Variants in EML6 observed in about 807,000 individuals in gnomAD.
EML6 encodes EMAP like 6.
EML6 carries 154 observed loss-of-function variants against 240.1 expected under a neutral mutation model. The ratio of observed to expected loss-of-function variants is 0.64; its 90% confidence interval spans 0.56 to 0.73. The LOEUF (loss-of-function observed/expected upper bound fraction) is 0.73. Among genes scored for constraint, EML6 ranks in the 30% least tolerant of loss-of-function variants. The probability of loss-of-function intolerance (pLI) is 0.00; values close to 1 mark genes in which losing one functional copy is unlikely to be tolerated. For missense variants in EML6, 2,964 were observed against 2,474.6 expected (o/e 1.20, Z -4.20); for synonymous variants, 1,148 against 899.0 (o/e 1.28, Z -4.95).
At chr2:54,842,658 T>C (rs1277078532) in intron 7 of EML6, among the ~76,000 whole-genome samples, 2 of 152,302 alleles carry the variant, frequency 1.3e-5, no homozygotes, top group South Asian at 2.1e-4. Flanking sequence ...GAAATTGATA[T>C]TGCTTCTGTA....
At chr2:54,742,970 C>T (rs754914221) in intron 2 of EML6, among the ~76,000 whole-genome samples, 23 of 152,304 alleles carry the variant, frequency 1.5e-4, no homozygotes, top group Non-Finnish European at 2.4e-4. Context: ...TAAATTCCTA[C>T]GCATATTTCT....
intron 5 of EML6, among the ~76,000 whole-genome samples, chr2:54,823,544 T>C (rs2104127430): frequency 6.6e-6 from 1 of 152,328 alleles, no homozygotes; most frequent in African/African-American, 2.4e-5. Flanking sequence ...CAATGTTTTA[T>C]TAGTCAAAGA....
chr2:54,860,852 C>A (rs1457312979), intron 12 of EML6, among the ~76,000 whole-genome samples: 2 of 152,150 alleles, frequency 1.3e-5, no homozygotes, highest in Admixed American at 1.3e-4. Flanking sequence ...GTGTTGAATG[C>A]CCAACTTTTA....
chr2:54,888,446 G>T (rs1189331375), intron 17 of EML6, among the ~76,000 whole-genome samples: 1 of 152,178 alleles, frequency 6.6e-6, no homozygotes, highest in Admixed American at 6.5e-5. Flanking sequence ...TGATTCTGCA[G>T]TTACAACAGT....
intron 2 of EML6, among the ~76,000 whole-genome samples, chr2:54,727,745 T>A (rs542077978): frequency 5.6e-4 from 86 of 152,342 alleles, no homozygotes; most frequent in African/African-American, 1.9e-3. Context: ...GTCCACTTGG[T>A]ACATAGCTTT....
In EML6 at chr2:54,824,065, A is replaced by G. The variant is rs569387453; in HGVS notation, c.526-3501A>G. ...CTCTGACTCCTATAGAGCTCTTTAC[A>G]CTGAGAAATTTCTTTAGTGAACTAC... On this transcript the variant is annotated intron_variant, in intron 5 of 41. Transcript: ENST00000356458. Among the ~76,000 whole-genome samples the G allele has an allele frequency of 4.1e-4, 62 of 152,190 alleles. 1 individual carries two copies. Among genetic ancestry groups the G allele is most frequent in the African/African-American group, 1.5e-3 (62 of 41,538 alleles).
At chr2:54,808,352 G>A (rs1670605796) in intron 2 of EML6, among the ~76,000 whole-genome samples, 1 of 152,136 alleles carries the variant, frequency 6.6e-6, no homozygotes, top group Admixed American at 6.6e-5. Context: ...CTGAGGTTGG[G>A]TCACTCCCCC....
intron 6 of EML6, 79 bp from the exon 7 acceptor site, chr2:54,829,263 T>C: frequency 1.4e-6 from 2 of 1,379,774 alleles, no homozygotes. Context: ...TGCTATGTTT[T>C]TAAATCAACA....
chr2:54,876,646 A>G (rs566508853), intron 16 of EML6, among the ~76,000 whole-genome samples: 16 of 152,378 alleles, frequency 1.1e-4, no homozygotes, highest in Middle Eastern at 3.4e-3. Context: ...AATGAATGCA[A>G]CAAGACATTG....
At chr2:54,947,973 G>A (rs1675771645) in intron 28 of EML6, among the ~76,000 whole-genome samples, 1 of 152,202 alleles carries the variant, frequency 6.6e-6, no homozygotes, top group South Asian at 2.1e-4. Context: ...ACTGTACTAA[G>A]TTTCTCACTT....
At chr2:54,856,155 A>G (rs1670365596) in intron 11 of EML6, among the ~76,000 whole-genome samples, 1 of 152,184 alleles carries the variant, frequency 6.6e-6, no homozygotes, top group Non-Finnish European at 1.5e-5. Flanking sequence ...AGCCAAACCA[A>G]TTTGTTTTTC....
At position 54,785,947 on chromosome 2, in the gene EML6, A is replaced by G. The variant is rs538493704; in HGVS notation, c.198-27285A>G. ...ACTGTATATATAAATATATATATAT[A>G]TATTTGTATGTGTGTGTGTGTGCAA... is the stretch of plus-strand genomic sequence containing the variant. On this transcript the variant is annotated intron_variant, in intron 2 of 41. Transcript: ENST00000356458. Among the ~76,000 whole-genome samples the G allele has an allele frequency of 6.6e-5, 10 of 151,728 alleles. No individual in the cohort carries two copies. In the East Asian group the frequency reaches 1.7e-3, roughly 26 times the overall value.
rs546598250 is a variant in EML6, at chr2:54,919,249, C to A, written c.3675+2314C>A. Reference sequence around the variant, plus strand: ...ACTTTCCTCTATTTTGCTTCCCCCCCCCCCCAATCCTTTTCAAAAGTCTTA... The same window carrying A: ...ACTTTCCTCTATTTTGCTTCCCCCCACCCCCAATCCTTTTCAAAAGTCTTA... On this transcript the variant is annotated intron_variant, in intron 26 of 41. Coordinates refer to ENST00000356458, the MANE Select transcript of EML6 (RefSeq NM_001039753.4). Among the ~76,000 whole-genome samples, 21 of 145,166 alleles carry A rather than the reference C, an allele frequency of 1.4e-4. 1 individual carries two copies. The highest frequency in any genetic ancestry group is 4.7e-4 in the South Asian group (2 of 4,242).
chr2:54,772,412 A>G (rs1668439297), intron 2 of EML6, among the ~76,000 whole-genome samples: 1 of 152,200 alleles, frequency 6.6e-6, no homozygotes, highest in African/African-American at 2.4e-5. Flanking sequence ...CCAGGAAGAA[A>G]ATAGTCATAT....
At chr2:54,772,893 C>G (rs1668456427) in intron 2 of EML6, among the ~76,000 whole-genome samples, 1 of 152,232 alleles carries the variant, frequency 6.6e-6, no homozygotes, top group African/African-American at 2.4e-5. Flanking sequence ...TTAATTTAAC[C>G]AGATGCTACA....
At chr2:54,853,920 G>A in intron 11 of EML6, 65 bp downstream of exon 11, 1 of 998,390 alleles carries the variant, frequency 1.0e-6, no homozygotes, top group South Asian at 1.9e-5. Context: ...GTACAATTAA[G>A]GCTGATCTTC....
At chr2:54,728,029 A>G (rs756450526) in intron 2 of EML6, among the ~76,000 whole-genome samples, 3 of 152,384 alleles carry the variant, frequency 2.0e-5, no homozygotes, top group Middle Eastern at 3.4e-3. Flanking sequence ...GAGGCATAAT[A>G]TAATTTACTG....
intron 4 of EML6, among the ~76,000 whole-genome samples, chr2:54,819,648 C>G (rs563843863): frequency 6.6e-6 from 1 of 151,792 alleles, no homozygotes; most frequent in Non-Finnish European, 1.5e-5. Context: ...TGGTGGCACG[C>G]GCCTGTAGTC....
chr2:54,869,472 A>C (rs1396180942), intron 15 of EML6, 105 bp downstream of exon 15: 1 of 857,794 alleles, frequency 1.2e-6, no homozygotes, highest in Admixed American at 2.8e-5. Context: ...AATAAACATG[A>C]GATGGGAAGG....
Sources: gnomAD v4.1 joint callset for allele counts (sites outside exome capture counted in the v4.1 genomes callset) on GRCh38, gnomAD v4.1.1 for gene constraint, MANE v1.5 for transcripts, NCBI Gene and HGNC (gene_info 2026-07-23, HGNC 2026-07-21) for gene names.